Variants in LAT observed in about 807,000 individuals in gnomAD.
LAT encodes linker for activation of T cells, also known as linker for activation of T-cells family member 1.
A neutral mutation model predicts 39.1 loss-of-function variants in LAT; 12 were observed. The ratio of observed to expected loss-of-function variants is 0.31; its 90% CI spans 0.20 to 0.50. The LOEUF is 0.50. Ranked by LOEUF, LAT falls within the 20% of genes least tolerant of loss-of-function variation. LAT has a pLI of 0.98. For missense variants in LAT, 253 were observed against 308.0 expected (o/e 0.82, Z 1.34); for synonymous variants, 117 against 123.8 (o/e 0.95, Z 0.36).
At position 28,990,267 on chromosome 16, in the gene LAT, A is replaced by G; in HGVS notation, c.*86A>G. 5.9e-6 allele frequency: 4 copies of G among 678,978 alleles called. No individual in the cohort carries two copies. The highest frequency in any genetic ancestry group is 1.1e-5 in the Non-Finnish European group (4 of 369,988). 42.1% of individuals were successfully genotyped at this position (678,978 alleles called of 1,614,324 possible). A position where few individuals can be genotyped will look rare whatever the true frequency, so the allele number is the denominator to read the frequency against. ...AGCTGGAAGTGGCTCTGGGGTCCTC[A>G]CATGGCGTCCTGCCCTTGCTCCAGC... On this transcript the variant is annotated 3_prime_UTR_variant, in exon 12 of 12. Coordinates refer to ENST00000395456, the MANE Select transcript of LAT (RefSeq NM_001014987.2).
rs894920546 is a variant in LAT at position 28,986,527 on chromosome 16, C to A, written c.311-13C>A. ...TGAGCTGACTTAGTCTCCCTCTCACCCTCTCTTTGAAGCCAACAGTGTGGC... is the reference window on the plus strand; with the variant it reads ...TGAGCTGACTTAGTCTCCCTCTCACACTCTCTTTGAAGCCAACAGTGTGGC... On this transcript the variant is annotated splice_polypyrimidine_tract_variant and intron_variant, in intron 5 of 11. Transcript: ENST00000395456. This position sits in a 1 kb window ranked among gnomAD's most constrained non-coding sequence, Gnocchi z 5.7. 6.2e-7 allele frequency: 1 copy of A among 1,609,988 alleles called. No homozygotes were observed. The highest frequency in any genetic ancestry group is 1.7e-4 in the Middle Eastern group (1 of 6,050).
rs767404662 is a variant in LAT at position 28,986,416 on chromosome 16, A to G, written c.280A>G (p.Thr94Ala). The change falls in exon 5 of 12, where the codon ACG becomes GCG. Residue 94 changes from threonine (T) to alanine (A), a missense_variant. Thr to Ala is a moderately conservative substitution (Grantham distance 58, BLOSUM62 0). Coordinates refer to ENST00000395456, the MANE Select transcript of LAT (RefSeq NM_001014987.2). The surrounding 1 kb of genome is among the most constrained non-coding windows in gnomAD (Gnocchi z 5.7). Reference sequence around the variant, plus strand: ...GCAGCCCCTTGGGGGCTCCCACCGGACGCCATCTTCCCGGCGGGATTCTGA... The same window carrying G: ...GCAGCCCCTTGGGGGCTCCCACCGGGCGCCATCTTCCCGGCGGGATTCTGA... The part of the protein sequence containing the change: ...SPQPLGGSHR[T>A]PSSRRDSDGA... 1 of 1,613,830 alleles carries G rather than the reference A, an allele frequency of 6.2e-7. No homozygotes were observed. The highest frequency in any genetic ancestry group is 8.5e-7 in the Non-Finnish European group (1 of 1,180,020).
rs1965844884 is a variant in LAT, at chr16:28,990,415, C to T, written c.*234C>T. The T allele has an allele frequency of 2.5e-6, 1 of 398,836 alleles. No individual in the cohort carries two copies. The highest frequency in any genetic ancestry group is 3.2e-5 in the Admixed American group (1 of 31,164). 24.7% of individuals were successfully genotyped at this position (398,836 alleles called of 1,614,324 possible). ...ATGACCTGCCCTGGCCCCAGCCCTA[C>T]TCTGTGTAATAGAATAAAGGCCTGC... On this transcript the variant is annotated 3_prime_UTR_variant, in exon 12 of 12. Transcript: ENST00000395456.
Position 28,985,920 on chromosome 16 carries a change from G to T in LAT, c.163+32G>T, listed in dbSNP as rs759946355. The T allele has an allele frequency of 6.2e-7, 1 of 1,610,816 alleles. No homozygotes were observed. The highest frequency in any genetic ancestry group is 1.1e-5 in the South Asian group (1 of 90,988). ...ACAAGGAGGGTCCCCTACCTTGGGT[G>T]CCAGGGAGAGGGTCCCCTGGTGTGG... On this transcript the variant is annotated intron_variant, in intron 3 of 11. Transcript: ENST00000395456. This position sits in a 1 kb window ranked among gnomAD's most constrained non-coding sequence, Gnocchi z 4.6.
Position 28,989,555 on chromosome 16 carries a change from T to C in LAT, c.522T>C (p.Val174=). 1 of 1,611,828 alleles carries C rather than the reference T, an allele frequency of 6.2e-7. No individual in the cohort carries two copies. Among genetic ancestry groups the C allele is most frequent in the Non-Finnish European group, 8.5e-7 (1 of 1,178,710 alleles). Residue 174 remains valine (V), a synonymous_variant, in exon 9 of 12, where the codon GTT becomes GTC. Transcript: ENST00000395456. ...SMESIDDYVN[V]PESGESAEAS... ...AGTCCATTGATGATTACGTGAACGTTCCGGAGAGCGGGGAGAGCGCAGAAG... is the reference window on the plus strand; with the variant it reads ...AGTCCATTGATGATTACGTGAACGTCCCGGAGAGCGGGGAGAGCGCAGAAG...
Position 28,986,923 on chromosome 16 carries a change from A to T in LAT, c.493+30A>T, listed in dbSNP as rs752980559. ...GTCAGGCATTTGTTTTTATTTTTAA[A>T]TTTTTTTAGGGATAGGCTGGAGTGC... On this transcript the variant is annotated intron_variant, in intron 8 of 11. Coordinates refer to ENST00000395456, the MANE Select transcript of LAT (RefSeq NM_001014987.2). The surrounding 1 kb of genome is among the most constrained non-coding windows in gnomAD (Gnocchi z 5.7). 5 of 1,593,612 alleles carry T rather than the reference A, an allele frequency of 3.1e-6. No individual in the cohort carries two copies. Among genetic ancestry groups the T allele is most frequent in the South Asian group, 1.1e-5 (1 of 90,190 alleles).
rs762471521 is a variant in LAT at position 28,986,332 on chromosome 16, T to G, written c.246-50T>G. ...GCCCCTTTCCCTTTTGCAACTGCTGTTGCCCCCTGAGCCCCACCTCAGGCA... is the reference window on the plus strand; with the variant it reads ...GCCCCTTTCCCTTTTGCAACTGCTGGTGCCCCCTGAGCCCCACCTCAGGCA... On this transcript the variant is annotated intron_variant, in intron 4 of 11. Transcript: ENST00000395456. The surrounding 1 kb of genome is among the most constrained non-coding windows in gnomAD (Gnocchi z 5.7). 79 of 1,602,560 alleles carry G rather than the reference T, an allele frequency of 4.9e-5. No individual in the cohort carries two copies. Among genetic ancestry groups the G allele is most frequent in the Non-Finnish European group, 6.5e-5 (76 of 1,171,446 alleles).
chr16:28,985,982 TG>T lies in LAT; in HGVS notation c.163+98del. The stretch of plus-strand genomic sequence containing the variant: ...AACCTTCAGACTTCCCCTGCCACCT[TG>T]GGGCTGCCCACATGGCCTTGACCTG... On this transcript the variant is annotated intron_variant, in intron 3 of 11. Transcript: ENST00000395456. The surrounding 1 kb of genome is among the most constrained non-coding windows in gnomAD (Gnocchi z 4.6). The T allele has an allele frequency of 6.7e-7, 1 of 1,493,256 alleles. No individual in the cohort carries two copies. The allele number at this position is 1,493,256 out of a possible 1,614,324, so 92.5% of individuals were successfully genotyped here.
At position 28,985,129 on chromosome 16, in the gene LAT, G is replaced by T. The variant is rs1172048535; in HGVS notation, c.-289G>T. 3.5e-5 allele frequency: 50 copies of T among 1,427,358 alleles called. No individual in the cohort carries two copies. The East Asian group carries it at 1.2e-3, about 35-fold the overall frequency. 88.4% of individuals were successfully genotyped at this position (1,427,358 alleles called of 1,614,324 possible). ...GAGGAGGGGCAGGTAGGGCTGGGAC[G>T]CAGGGGTAACTGGATCCCCCGACTT... On this transcript the variant is annotated 5_prime_UTR_variant, in exon 1 of 12. Transcript: ENST00000395456. The surrounding 1 kb of genome is among the most constrained non-coding windows in gnomAD (Gnocchi z 4.6).
upstream of LAT, chr16:28,984,851 G>A (rs537634076): frequency 7.7e-6 from 12 of 1,550,146 alleles, no homozygotes; most frequent in South Asian, 4.8e-5. Context: ...CTGCCTCCCC[G>A]GGTCCTGGAT....
In LAT at chr16:28,986,688, G is replaced by A. The variant is rs746739617; in HGVS notation, c.372G>A (p.Glu124=). ...EPACEDADED[E]DDYHNPGYLV... ...CCTGTGAGGATGCGGATGAGGATGA[G>A]GACGACTATCACAACCCAGGCTACC... The change falls in exon 7 of 12, where the codon GAG becomes GAA. Residue 124 remains glutamate (E), a synonymous_variant. Transcript: ENST00000395456. This position sits in a 1 kb window ranked among gnomAD's most constrained non-coding sequence, Gnocchi z 5.7. 3 of 1,613,592 alleles carry A rather than the reference G, an allele frequency of 1.9e-6. No homozygotes were observed. The highest frequency in any genetic ancestry group is 1.7e-5 in the Admixed American group (1 of 59,922).
In LAT at chr16:28,989,260, C is replaced by G. The variant is rs1596771523; in HGVS notation, c.494-267C>G. 6 of 439,514 alleles carry G rather than the reference C, an allele frequency of 1.4e-5. No individual in the cohort carries two copies. The East Asian group carries it at 2.3e-4, about 17-fold the overall frequency. 27.2% of individuals were successfully genotyped at this position (439,514 alleles called of 1,614,324 possible). A position where few individuals can be genotyped will look rare whatever the true frequency, so the allele number is the denominator to read the frequency against. On this transcript the variant is annotated intron_variant, in intron 8 of 11. Transcript: ENST00000395456. Reference sequence around the variant, plus strand: ...GTGCTGGGGCCTGACCCTTTGTGAGCTCTCCTCAGTCCCAGTCAAGTGGAC... The same window carrying G: ...GTGCTGGGGCCTGACCCTTTGTGAGGTCTCCTCAGTCCCAGTCAAGTGGAC...
chr16:28,986,990 C>A lies in LAT; in HGVS notation c.493+97C>A. ...CTCGCTGCAGCCTTGAACTCCTGGG[C>A]TCCAGTGATCCTCCCAAGTAGGCTA... On this transcript the variant is annotated intron_variant, in intron 8 of 11. Transcript: ENST00000395456. This position sits in a 1 kb window ranked among gnomAD's most constrained non-coding sequence, Gnocchi z 5.7. 2.0e-6 allele frequency: 2 copies of A among 996,624 alleles called. No individual in the cohort carries two copies. The highest frequency in any genetic ancestry group is 2.9e-6 in the Non-Finnish European group (2 of 678,286). The allele number at this position is 996,624 out of a possible 1,614,324, so 61.7% of individuals were successfully genotyped here. A position where few individuals can be genotyped will look rare whatever the true frequency, so the allele number is the denominator to read the frequency against.
chr16:28,986,216 C>A lies in LAT; in HGVS notation c.245C>A (p.Pro82Gln), dbSNP rs41292396. The A allele has an allele frequency of 1.3e-6, 2 of 1,595,372 alleles. No homozygotes were observed. Among genetic ancestry groups the A allele is most frequent in the African/African-American group, 1.3e-5 (1 of 74,538 alleles). ...AGCCAGCCAGACCTGCTCCCCATCC[C>A]GTGAGTAGCTGCTCAGCCCCTGCCC... ...PLSQPDLLPI[P>Q]RSPQPLGGSH... is the part of the protein sequence containing the mutation. Residue 82 changes from proline to glutamine, a missense_variant and splice_region_variant, in exon 4 of 12, where the codon CCA becomes CAA. Physicochemically the swap from Pro to Gln is moderately conservative, Grantham distance 76. Coordinates refer to ENST00000395456, the MANE Select transcript of LAT (RefSeq NM_001014987.2). This position sits in a 1 kb window ranked among gnomAD's most constrained non-coding sequence, Gnocchi z 5.7.
chr16:28,989,887 G>A (rs905864133), intron 10 of LAT, 46 bp from the exon 11 acceptor site: 3 of 1,613,674 alleles, frequency 1.9e-6, no homozygotes, highest in Non-Finnish European at 2.5e-6. Context: ...CTTTGGGCTT[G>A]GGGGGATAGC....
intron 8 of LAT, 193 bp from the exon 9 acceptor site, chr16:28,989,334 C>G: frequency 1.7e-6 from 1 of 578,532 alleles, no homozygotes; most frequent in Non-Finnish European, 3.1e-6. Flanking sequence ...GCCACCATCA[C>G]CATCACCAAC....
chr16:28,990,701 C>T lies in LAT; in HGVS notation c.*520C>T, dbSNP rs891379279. The T allele has an allele frequency of 6.1e-6, 1 of 163,674 alleles. No homozygotes were observed. Among genetic ancestry groups the T allele is most frequent in the African/African-American group, 2.4e-5 (1 of 41,690 alleles). The allele number at this position is 163,674 out of a possible 1,614,324, so 10.1% of individuals were successfully genotyped here. Reference sequence around the variant, plus strand: ...GACAATGGTTTCACCATCCTTAGACCAAGGGATGGGACCTGATGACCTGGG... The same window carrying T: ...GACAATGGTTTCACCATCCTTAGACTAAGGGATGGGACCTGATGACCTGGG... On this transcript the variant is annotated 3_prime_UTR_variant, in exon 12 of 12. Transcript: ENST00000395456.
chr16:28,988,971 C>T (rs1426010935), intron 8 of LAT: 1 of 154,366 alleles, frequency 6.5e-6, no homozygotes, highest in African/African-American at 2.4e-5. Context: ...CCACTGCACT[C>T]CAGCCTGGGT....
In LAT at chr16:28,986,489, G is replaced by A. The variant is rs759261962; in HGVS notation, c.310+43G>A. On this transcript the variant is annotated intron_variant, in intron 5 of 11. Coordinates refer to ENST00000395456, the MANE Select transcript of LAT (RefSeq NM_001014987.2). This position sits in a 1 kb window ranked among gnomAD's most constrained non-coding sequence, Gnocchi z 5.7. ...TTCAGGCGGCGGGGGCTGGGAAGAA[G>A]ATAGGCCTGGCCTGAGCTGACTTAG... The A allele has an allele frequency of 1.2e-6, 2 of 1,613,310 alleles. No homozygotes were observed. The highest frequency in any genetic ancestry group is 1.7e-6 in the Non-Finnish European group (2 of 1,179,452).
Sources: gnomAD v4.1 joint callset for allele counts on GRCh38, gnomAD v4.1.1 for gene constraint, Gnocchi (gnomAD v3.1) non-coding constraint, MANE v1.5 for transcripts, NCBI Gene and HGNC (gene_info 2026-07-23, HGNC 2026-07-21) for gene names.